The following DAB1 variants were observed in gnomAD, a reference collection of about 807,000 sequenced individuals.
DAB1 encodes DAB adaptor protein 1.
A neutral mutation model predicts 64.6 loss-of-function variants in DAB1; 15 were observed. The ratio of observed to expected loss-of-function variants is 0.23; its 90% CI spans 0.16 to 0.36. DAB1 has a LOEUF of 0.36. Ranked by LOEUF, DAB1 falls within the 10% of genes least tolerant of loss-of-function variation. The pLI is 1.00. For synonymous variants in DAB1, 235 were observed against 251.9 expected, an observed-to-expected ratio of 0.93 and a Z score of 0.64; for missense variants, 596 against 706.7, an observed-to-expected ratio of 0.84 and a Z score of 1.78.
At chr1:58,229,370 C>T (rs1174668370) in intron 4 of DAB1, among the ~76,000 whole-genome samples, 2 of 152,152 alleles carry the variant, frequency 1.3e-5, no homozygotes, top group African/African-American at 4.8e-5. Flanking sequence ...CTTAGAAGCA[C>T]AGAATTTTAG....
In DAB1 at chr1:58,409,003, AG is replaced by A. The variant is rs778247562; in HGVS notation, n.258-65601del. Among the ~76,000 whole-genome samples the A allele has an allele frequency of 2.6e-3, 402 of 152,376 alleles. 1 individual carries two copies. Among genetic ancestry groups the A allele is most frequent in the South Asian group, 5.4e-3 (26 of 4,824 alleles). On this transcript the variant is annotated intron_variant and non_coding_transcript_variant, in intron 3 of 20. Transcript: ENST00000485760. ...TCAGGAAACTTGAGGTTTAAGTCAA[AG>A]GTAAGACTCACACAGAGGTGATCAC...
chr1:58,148,753 A>G lies in DAB1; in HGVS notation n.387+1758T>C, dbSNP rs143864455. 1.4e-3 allele frequency among the ~76,000 whole-genome samples: 209 copies of G among 148,588 alleles called. 2 individuals are homozygous for G. Among genetic ancestry groups the G allele is most frequent in the African/African-American group, 4.8e-3 (190 of 39,272 alleles). On this transcript the variant is annotated intron_variant and non_coding_transcript_variant, in intron 5 of 20. Coordinates refer to the DAB1 transcript ENST00000485760. Reference sequence around the variant, plus strand: ...GATCTCTCGAGACTTTTTCACTATCATGAGAGCAGCACAGAAATCACACCC... The same window carrying G: ...GATCTCTCGAGACTTTTTCACTATCGTGAGAGCAGCACAGAAATCACACCC...
intron 7 of DAB1, among the ~76,000 whole-genome samples, chr1:57,586,125 C>G (rs72908539): frequency 1.2e-3 from 180 of 152,188 alleles, no homozygotes; most frequent in African/African-American, 4.0e-3. Context: ...GGAAAAAAAG[C>G]AAAAGCATAG....
At position 58,426,325 on chromosome 1, in the gene DAB1, T is replaced by C. The variant is rs556603587; in HGVS notation, n.257+79735A>G. Among the ~76,000 whole-genome samples the C allele has an allele frequency of 2.6e-5, 4 of 152,148 alleles. No individual in the cohort carries two copies. The East Asian group carries it at 5.8e-4, about 22-fold the overall frequency. On this transcript the variant is annotated intron_variant and non_coding_transcript_variant, in intron 3 of 20. Coordinates refer to the DAB1 transcript ENST00000485760. ...CCACCCTGGATTTAGACAGGGGACT[T>C]CAGGAAACAGGAAGAAAGAGAGTTA...
chr1:57,728,404 T>C (rs1647271810), intron 6 of DAB1, among the ~76,000 whole-genome samples: 1 of 152,088 alleles, frequency 6.6e-6, no homozygotes, highest in Non-Finnish European at 1.5e-5. Context: ...CCATCCTGGC[T>C]AACACGGTGA....
chr1:57,775,286 T>G (rs1333493124), intron 6 of DAB1, among the ~76,000 whole-genome samples: 1 of 151,628 alleles, frequency 6.6e-6, no homozygotes, highest in Non-Finnish European at 1.5e-5. Flanking sequence ...CTTCTCTTTA[T>G]TATTATTTTT....
intron 7 of DAB1, among the ~76,000 whole-genome samples, chr1:57,448,964 C>T (rs968645119): frequency 1.1e-4 from 17 of 152,202 alleles, no homozygotes; most frequent in Admixed American, 6.5e-5. Flanking sequence ...CATGGTCACA[C>T]TTTCTTCTCT....
At chr1:57,351,311 C>T (rs1359868965) in intron 1 of DAB1, among the ~76,000 whole-genome samples, 1 of 152,002 alleles carries the variant, frequency 6.6e-6, no homozygotes, top group African/African-American at 2.4e-5. Flanking sequence ...CAGAAGTAGG[C>T]ACAAGTCCAA....
chr1:58,492,593 G>C (rs540027546), intron 3 of DAB1, among the ~76,000 whole-genome samples: 1 of 152,028 alleles, frequency 6.6e-6, no homozygotes, highest in African/African-American at 2.4e-5. Context: ...TATCACCACC[G>C]ATCCCACAGA....
At chr1:57,544,548 C>T (rs1644835912) in intron 7 of DAB1, among the ~76,000 whole-genome samples, 1 of 152,152 alleles carries the variant, frequency 6.6e-6, no homozygotes, top group Admixed American at 6.5e-5. Flanking sequence ...ACTCTGTTCC[C>T]ACATAGCGGC....
At chr1:58,520,326 T>G (rs1328545692) in intron 2 of DAB1, among the ~76,000 whole-genome samples, 1 of 152,108 alleles carries the variant, frequency 6.6e-6, no homozygotes, top group East Asian at 1.9e-4. Flanking sequence ...GACAAAGAAC[T>G]TGCACCTAGC....
intron 6 of DAB1, among the ~76,000 whole-genome samples, chr1:57,792,204 C>T (rs1197469498): frequency 2.0e-5 from 3 of 152,154 alleles, no homozygotes; most frequent in Non-Finnish European, 2.9e-5. Flanking sequence ...GGTTTTGTCT[C>T]TTAAAATCAC....
intron 5 of DAB1, among the ~76,000 whole-genome samples, chr1:57,942,987 G>A (rs1187507393): frequency 6.6e-6 from 1 of 152,090 alleles, no homozygotes; most frequent in Non-Finnish European, 1.5e-5. Flanking sequence ...TGGCACTTTA[G>A]CATGCATTAT....
At chr1:58,440,512 G>A (rs1644996159) in intron 3 of DAB1, among the ~76,000 whole-genome samples, 1 of 152,208 alleles carries the variant, frequency 6.6e-6, no homozygotes, top group Admixed American at 6.5e-5. Context: ...ATTTGTGTTT[G>A]GATCTTGACA....
intron 1 of DAB1, among the ~76,000 whole-genome samples, chr1:57,316,968 T>A (rs1675266012): frequency 6.6e-6 from 1 of 152,202 alleles, no homozygotes; most frequent in Non-Finnish European, 1.5e-5. Flanking sequence ...TTATTTGTAA[T>A]AAATGGAATA....
chr1:58,201,435 G>A (rs1657991103), intron 4 of DAB1, among the ~76,000 whole-genome samples: 3 of 152,130 alleles, frequency 2.0e-5, no homozygotes, highest in African/African-American at 7.2e-5. Flanking sequence ...GAATACCAAA[G>A]GTCCATAAAC....
intron 4 of DAB1, among the ~76,000 whole-genome samples, chr1:57,120,322 T>TTCTA (rs1656523954): frequency 6.6e-6 from 1 of 152,150 alleles, no homozygotes; most frequent in South Asian, 2.1e-4. Context: ...AGTGAGCACC[T>TTCTA]TCTATCTACA....
intron 5 of DAB1, among the ~76,000 whole-genome samples, chr1:57,996,814 T>C (rs1448821698): frequency 6.6e-6 from 1 of 152,206 alleles, no homozygotes; most frequent in African/African-American, 2.4e-5. Context: ...TTCCCTTAAA[T>C]TGTGGATTCT....
At chr1:57,658,031 G>A (rs961097102) in intron 6 of DAB1, among the ~76,000 whole-genome samples, 4 of 152,032 alleles carry the variant, frequency 2.6e-5, no homozygotes, top group African/African-American at 9.7e-5. Flanking sequence ...CTAGACCTTG[G>A]TGACATACTA....
Sources: allele counts gnomAD v4.1 joint callset (sites outside exome capture counted in the v4.1 genomes callset), GRCh38; gene constraint gnomAD v4.1.1; transcripts MANE v1.5; gene names NCBI Gene and HGNC (gene_info 2026-07-23, HGNC 2026-07-21).